RBFOX1: variants seen among roughly 807,000 people sequenced by gnomAD.
The protein encoded by RBFOX1 is RNA binding protein fox-1 homolog 1.
In RBFOX1, 8 loss-of-function variants were observed where a neutral mutation model predicts 57.7. That is an observed-to-expected ratio of 0.14 (90% CI 0.08 to 0.25). RBFOX1 has a LOEUF of 0.25. Ranked by LOEUF, RBFOX1 falls within the 10% of genes least tolerant of loss-of-function variation. RBFOX1 has a pLI of 1.00. For missense variants in RBFOX1, 611 were observed against 548.5 expected (o/e 1.11, Z -1.14); for synonymous variants, 326 against 222.4 (o/e 1.47, Z -4.15).
At chr16:7,618,173 C>A (rs946568054) in intron 10 of RBFOX1, among the ~76,000 whole-genome samples, 3 of 152,088 alleles carry the variant, frequency 2.0e-5, no homozygotes, top group Non-Finnish European at 4.4e-5. Context: ...ATAATGAAAT[C>A]TGAATTTTGG....
At chr16:5,856,619 CT>C (rs1183234102) in intron 3 of RBFOX1, among the ~76,000 whole-genome samples, 1 of 76,598 alleles carries the variant, frequency 1.3e-5, no homozygotes, top group Non-Finnish European at 2.6e-5. Flanking sequence ...TTAGCCAGAT[CT>C]TCTGGATAAC....
At chr16:7,334,513 G>A (rs926524787) in intron 4 of RBFOX1, among the ~76,000 whole-genome samples, 1 of 152,118 alleles carries the variant, frequency 6.6e-6, no homozygotes, top group African/African-American at 2.4e-5. Flanking sequence ...GCAAATCGTG[G>A]CCTTCACTCT....
rs2095020460 is a variant in RBFOX1 at position 6,019,054 on chromosome 16, C to T, written c.-1065C>T. 1.2e-5 allele frequency: 12 copies of T among 973,416 alleles called. No homozygotes were observed. In the South Asian group the frequency reaches 1.9e-4, roughly 16 times the overall value. The allele number at this position is 973,416 out of a possible 1,614,324, so 60.3% of individuals were successfully genotyped here. On this transcript the variant is annotated 5_prime_UTR_variant, in exon 1 of 16. Transcript: ENST00000550418. The surrounding 1 kb of genome is among the most constrained non-coding windows in gnomAD (Gnocchi z 4.2). Reference sequence around the variant, plus strand: ...ATTTTTGGCTCCGCAGCCGGGGCTGCTCGCTGCTTGTCGCGCGCTCACACA... The same window carrying T: ...ATTTTTGGCTCCGCAGCCGGGGCTGTTCGCTGCTTGTCGCGCGCTCACACA...
At chr16:6,106,517 G>A (rs1459252177) in intron 1 of RBFOX1, among the ~76,000 whole-genome samples, 1 of 146,702 alleles carries the variant, frequency 6.8e-6, no homozygotes, top group African/African-American at 2.5e-5. Context: ...ATAAAGAATA[G>A]TACTGCGTTA....
At chr16:6,955,822 C>A (rs907804168) in intron 3 of RBFOX1, among the ~76,000 whole-genome samples, 4 of 152,090 alleles carry the variant, frequency 2.6e-5, no homozygotes, top group Non-Finnish European at 5.9e-5. Flanking sequence ...TCTCCTGCCT[C>A]AGCCTCCTGA....
intron 3 of RBFOX1, among the ~76,000 whole-genome samples, chr16:7,046,360 T>C (rs905529943): frequency 3.9e-5 from 6 of 152,096 alleles, no homozygotes; most frequent in African/African-American, 9.7e-5. Flanking sequence ...CACACACATA[T>C]TTCTCTCAGT....
intron 1 of RBFOX1, among the ~76,000 whole-genome samples, chr16:6,312,128 A>G (rs1416373332): frequency 6.6e-6 from 1 of 152,198 alleles, no homozygotes; most frequent in Admixed American, 6.5e-5. Flanking sequence ...GGTCTTATAC[A>G]TAATTGCATT....
intron 2 of RBFOX1, among the ~76,000 whole-genome samples, chr16:5,496,838 C>A (rs139491071): frequency 6.6e-6 from 1 of 152,204 alleles, no homozygotes; most frequent in South Asian, 2.1e-4. Flanking sequence ...ACAGCCCAAG[C>A]GCTAATCCAT....
chr16:5,724,067 T>G (rs1418525053), intron 3 of RBFOX1, among the ~76,000 whole-genome samples: 6 of 152,218 alleles, frequency 3.9e-5, no homozygotes, highest in Non-Finnish European at 8.8e-5. Flanking sequence ...GCGTGCAGAC[T>G]GCTCACCACT....
chr16:6,589,515 A>G (rs2097680560), intron 2 of RBFOX1, among the ~76,000 whole-genome samples: 1 of 152,184 alleles, frequency 6.6e-6, no homozygotes. Context: ...GGTGATGCCC[A>G]CTGATCCATC....
At chr16:7,031,799 C>G (rs535032923) in intron 3 of RBFOX1, among the ~76,000 whole-genome samples, 2 of 152,246 alleles carry the variant, frequency 1.3e-5, no homozygotes, top group African/African-American at 4.8e-5. Flanking sequence ...TGGCTTGTGT[C>G]TCATGGGGCC....
chr16:6,511,405 C>T (rs574283292), intron 2 of RBFOX1, among the ~76,000 whole-genome samples: 7 of 152,244 alleles, frequency 4.6e-5, no homozygotes, highest in African/African-American at 1.7e-4. Context: ...ATATCATACG[C>T]AAAATGAAGA....
intron 4 of RBFOX1, among the ~76,000 whole-genome samples, chr16:7,475,872 A>T (rs1283878929): frequency 6.6e-6 from 1 of 152,242 alleles, no homozygotes; most frequent in East Asian, 1.9e-4. Context: ...TTTGGTGCTT[A>T]CTATGTCCCA....
chr16:6,526,658 G>A (rs1222219581), intron 2 of RBFOX1, among the ~76,000 whole-genome samples: 4 of 151,326 alleles, frequency 2.6e-5, no homozygotes, highest in Admixed American at 6.6e-5. Flanking sequence ...GAGAAACCCC[G>A]TGTCTACTAA....
chr16:5,944,617 C>A (rs1464517414), intron 4 of RBFOX1, among the ~76,000 whole-genome samples: 5 of 151,146 alleles, frequency 3.3e-5, no homozygotes, highest in East Asian at 1.9e-4. Context: ...ACGAGGAAAT[C>A]TATACTGTCC....
chr16:6,842,748 C>T (rs1400250798), intron 3 of RBFOX1, among the ~76,000 whole-genome samples: 3 of 151,004 alleles, frequency 2.0e-5, no homozygotes, highest in African/African-American at 7.3e-5. Context: ...TGGTTTGCTG[C>T]ACCTGTCAAC....
At chr16:7,070,729 G>A (rs1164696036) in intron 4 of RBFOX1, among the ~76,000 whole-genome samples, 1 of 152,184 alleles carries the variant, frequency 6.6e-6, no homozygotes, top group Admixed American at 6.5e-5. Context: ...AGAGCATCCT[G>A]CCCTGAATGT....
In RBFOX1 at chr16:7,033,443, C is replaced by G. The variant is rs143203528; in HGVS notation, c.-15-18614C>G. Among the ~76,000 whole-genome samples the G allele has an allele frequency of 6.9e-3, 1,044 of 152,162 alleles. 14 individuals are homozygous for G. The highest frequency in any genetic ancestry group is 0.024 in the African/African-American group (990 of 41,526). Reference sequence around the variant, plus strand: ...GCTGAGGCAGGAGATTCGCTTGATCCCGGGAGGCGGAGGTTGCAGTGAGCC... The same window carrying G: ...GCTGAGGCAGGAGATTCGCTTGATCGCGGGAGGCGGAGGTTGCAGTGAGCC... On this transcript the variant is annotated intron_variant, in intron 3 of 15. Transcript: ENST00000550418.
chr16:5,784,037 C>T (rs928011301), intron 3 of RBFOX1, among the ~76,000 whole-genome samples: 27 of 152,270 alleles, frequency 1.8e-4, no homozygotes, highest in African/African-American at 6.3e-4. Flanking sequence ...TTAATTAGTT[C>T]ATGGTTCTGC....
Sources: allele counts gnomAD v4.1 joint callset (sites outside exome capture counted in the v4.1 genomes callset), GRCh38; gene constraint gnomAD v4.1.1; non-coding constraint Gnocchi (gnomAD v3.1); transcripts MANE v1.5; gene names NCBI Gene and HGNC (gene_info 2026-07-23, HGNC 2026-07-21).